The following PREX2 variants were observed in gnomAD, a reference collection of about 807,000 sequenced individuals.
PREX2 encodes phosphatidylinositol 3,4,5-trisphosphate-dependent Rac exchanger 2 protein.
PREX2 carries 107 observed loss-of-function variants against 203.2 expected under a neutral mutation model. The observed-to-expected ratio is 0.53, with a 90% CI of 0.45 to 0.62. The LOEUF (loss-of-function observed/expected upper bound fraction) is 0.62. Ranked by LOEUF, PREX2 falls within the 20% of genes least tolerant of loss-of-function variation. The probability of loss-of-function intolerance (pLI) is 0.00; values close to 1 mark genes in which losing one functional copy is unlikely to be tolerated. For synonymous variants in PREX2, 672 were observed against 663.6 expected (o/e 1.01, Z -0.19); for missense variants, 1,777 against 1,955.9 (o/e 0.91, Z 1.72).
chr8:68,200,315 G>T (rs1812476764), intron 37 of PREX2, among the ~76,000 whole-genome samples: 2 of 151,970 alleles, frequency 1.3e-5, no homozygotes, highest in South Asian at 2.1e-4. Context: ...TGATAAATTG[G>T]TACCACTATC....
At chr8:68,075,516 A>C (rs1809322345) in intron 14 of PREX2, among the ~76,000 whole-genome samples, 1 of 152,174 alleles carries the variant, frequency 6.6e-6, no homozygotes, top group Admixed American at 6.5e-5. Context: ...GCTCAGGGTC[A>C]CCTTCTGTGG....
intron 23 of PREX2, chr8:68,102,912 C>A: frequency 1.9e-6 from 1 of 517,944 alleles, no homozygotes. Context: ...CTCTGTGGAG[C>A]AGGATTTGGG....
Position 68,231,557 on chromosome 8 carries a change from T to C in PREX2, c.*179T>C. 1 of 440,064 alleles carries C rather than the reference T, an allele frequency of 2.3e-6. No individual in the cohort carries two copies. Among genetic ancestry groups the C allele is most frequent in the South Asian group, 6.7e-5 (1 of 14,938 alleles). 27.3% of individuals were successfully genotyped at this position (440,064 alleles called of 1,614,324 possible). ...TCAGTTTATACTTTGATATTTATGC[T>C]GGAAATGGATAGAAGTTCAATCAGA... On this transcript the variant is annotated 3_prime_UTR_variant, in exon 40 of 40. Transcript: ENST00000288368.
At chr8:68,002,062 A>G (rs777378389) in intron 1 of PREX2, among the ~76,000 whole-genome samples, 17 of 150,920 alleles carry the variant, frequency 1.1e-4, no homozygotes, top group Middle Eastern at 3.4e-3. Context: ...AAACCTGCAT[A>G]TGTACCCTTG....
At chr8:68,012,717 G>T (rs147760489) in intron 1 of PREX2, among the ~76,000 whole-genome samples, 1 of 152,100 alleles carries the variant, frequency 6.6e-6, no homozygotes, top group Non-Finnish European at 1.5e-5. Context: ...GAAAAACCAC[G>T]ATCTATTTCA....
chr8:68,186,137 A>AT (rs1366950021), intron 35 of PREX2, among the ~76,000 whole-genome samples: 2 of 152,150 alleles, frequency 1.3e-5, no homozygotes, highest in African/African-American at 2.4e-5. Context: ...TATCTGAACA[A>AT]TTTTTTCTGA....
At chr8:67,983,537 T>G (rs1234455677) in intron 1 of PREX2, among the ~76,000 whole-genome samples, 1 of 152,186 alleles carries the variant, frequency 6.6e-6, no homozygotes, top group African/African-American at 2.4e-5. Context: ...ACTTCCTATA[T>G]AGTTCAGTCA....
intron 1 of PREX2, among the ~76,000 whole-genome samples, chr8:67,983,975 A>C (rs866138476): frequency 6.6e-6 from 1 of 152,124 alleles, no homozygotes; most frequent in African/African-American, 2.4e-5. Flanking sequence ...GTGCACATCA[A>C]TCTAATGCCG....
chr8:68,141,981 A>G, intron 33 of PREX2, among the ~76,000 whole-genome samples: 1 of 152,198 alleles, frequency 6.6e-6, no homozygotes, highest in Non-Finnish European at 1.5e-5. Context: ...TTATATTTTT[A>G]GAGCAGTTTT....
chr8:68,192,451 G>A lies in PREX2; in HGVS notation c.4530G>A (p.Leu1510=), dbSNP rs762744807. The A allele has an allele frequency of 1.9e-6, 3 of 1,613,912 alleles. No homozygotes were observed. The highest frequency in any genetic ancestry group is 2.2e-5 in the South Asian group (2 of 91,064). ...NTACSASGVG[L]LSVSSELCNR... ...CTTGCAGTGCTTCTGGGGTTGGACT[G>A]CTGTCAGTTTCCTCGGAGCTGTGCA... Residue 1510 remains leucine, a synonymous_variant, in exon 37 of 40, where the codon CTG becomes CTA. Coordinates refer to ENST00000288368, the MANE Select transcript of PREX2 (RefSeq NM_024870.4).
At chr8:68,196,307 G>T (rs2129614791) in intron 37 of PREX2, among the ~76,000 whole-genome samples, 1 of 149,804 alleles carries the variant, frequency 6.7e-6, no homozygotes, top group Admixed American at 6.7e-5. Flanking sequence ...TTAAAAGGTA[G>T]TTAAATATAT....
At chr8:67,952,976 T>TA (rs942282831) in intron 1 of PREX2, among the ~76,000 whole-genome samples, 91 of 152,116 alleles carry the variant, frequency 6.0e-4, no homozygotes, top group Middle Eastern at 3.4e-3. Flanking sequence ...TACACTAAGT[T>TA]AAAAAAAATC....
chr8:68,061,611 G>T (rs1479509124), intron 11 of PREX2, among the ~76,000 whole-genome samples: 1 of 152,212 alleles, frequency 6.6e-6, no homozygotes, highest in Non-Finnish European at 1.5e-5. Context: ...CTGGATGTGG[G>T]TGATGAAGAA....
chr8:68,148,085 A>G (rs1259130258), intron 34 of PREX2, among the ~76,000 whole-genome samples: 1 of 152,122 alleles, frequency 6.6e-6, no homozygotes, highest in East Asian at 1.9e-4. Flanking sequence ...TGTGTCTACT[A>G]AAAATACAAA....
At chr8:68,171,857 T>C (rs1811884297) in intron 35 of PREX2, among the ~76,000 whole-genome samples, 1 of 152,212 alleles carries the variant, frequency 6.6e-6, no homozygotes, top group Non-Finnish European at 1.5e-5. Flanking sequence ...TTAATTAGCA[T>C]GTAAAGAATG....
chr8:68,196,170 T>C (rs1442632329), intron 37 of PREX2, among the ~76,000 whole-genome samples: 1 of 152,048 alleles, frequency 6.6e-6, no homozygotes, highest in African/African-American at 2.4e-5. Context: ...TTCGCTTAAG[T>C]TTAATGTCAT....
chr8:68,183,670 A>G (rs1430447731), intron 35 of PREX2, among the ~76,000 whole-genome samples: 2 of 152,130 alleles, frequency 1.3e-5, no homozygotes, highest in African/African-American at 2.4e-5. Flanking sequence ...GTGACGGAGC[A>G]TTTGGAAAGC....
intron 1 of PREX2, among the ~76,000 whole-genome samples, chr8:67,973,317 A>G (rs1469279104): frequency 3.9e-5 from 6 of 152,108 alleles, no homozygotes; most frequent in Admixed American, 3.9e-4. Flanking sequence ...TCAACTTGTC[A>G]TTCTAGAGCC....
chr8:67,953,163 A>G (rs2129016265), intron 1 of PREX2, among the ~76,000 whole-genome samples: 1 of 135,180 alleles, frequency 7.4e-6, no homozygotes, highest in Admixed American at 7.6e-5. Flanking sequence ...TCCTAGTCTT[A>G]CAATTCCCTC....
Sources: gnomAD v4.1 joint callset for allele counts (sites outside exome capture counted in the v4.1 genomes callset) on GRCh38, gnomAD v4.1.1 for gene constraint, MANE v1.5 for transcripts, NCBI Gene and HGNC (gene_info 2026-07-23, HGNC 2026-07-21) for gene names.